The following TRIM5 variants were observed in gnomAD, a reference collection of about 807,000 sequenced individuals.
TRIM5 encodes tripartite motif-containing protein 5.
TRIM5 carries 31 observed loss-of-function variants against 35.6 expected under a neutral mutation model. That is an observed-to-expected ratio of 0.87 (90% CI 0.65 to 1.18). TRIM5 has a LOEUF of 1.18. Ranked by LOEUF, TRIM5 falls within the 50% of genes most tolerant of loss-of-function variation. TRIM5 has a pLI of 0.00. For synonymous variants in TRIM5, 243 were observed against 215.6 expected (o/e 1.13, Z -1.11); for missense variants, 609 against 591.6 (o/e 1.03, Z -0.31).
At chr11:5,595,119 A>G in the TRIM5 span, 2 of 152,128 alleles carry the variant, frequency 1.3e-5, no homozygotes, top group African/African-American at 4.8e-5. Flanking sequence ...TACTTAACCC[A>G]GCTCTCTCCC....
chr11:5,605,384 G>A, the TRIM5 span: 4 of 1,614,144 alleles, frequency 2.5e-6, no homozygotes, highest in Non-Finnish European at 3.4e-6. Flanking sequence ...AGTTTAATCA[G>A]CTGCGAAATA....
At chr11:5,669,080 CTTT>C (rs34310528) in intron 4 of TRIM5, among the ~76,000 whole-genome samples, 9 of 133,122 alleles carry the variant, frequency 6.8e-5, no homozygotes, top group Non-Finnish European at 9.5e-5. Flanking sequence ...GGTCTACATT[CTTT>C]TTTTTTTTTT....
rs1039147605 is a variant in TRIM5 at position 5,683,965 on chromosome 11, T to G, written c.-62+903A>C. On this transcript the variant is annotated intron_variant, in intron 1 of 7. Transcript: ENST00000380034. ...GCTCACTCTTTGGGTCCACACTGCC[T>G]TTATGAGCTGTAACACTCACCGCGA... The G allele has an allele frequency of 3.3e-5, 5 of 153,050 alleles. No homozygotes were observed. The East Asian group carries it at 9.6e-4, about 29-fold the overall frequency. 9.5% of individuals were successfully genotyped at this position (153,050 alleles called of 1,614,324 possible).
chr11:5,666,124 C>T lies in TRIM5; in HGVS notation c.768-43G>A, dbSNP rs764116049. ...AAAAAAAAACTTCCAAACCTTTGAC[C>T]TTGTGTCCGTGGAACACCCCTGACT... On this transcript the variant is annotated intron_variant, in intron 5 of 7. Transcript: ENST00000380034. The T allele has an allele frequency of 4.6e-6, 7 of 1,526,426 alleles. No homozygotes were observed. In the Admixed American group the frequency reaches 7.7e-5, roughly 17 times the overall value. 94.6% of individuals were successfully genotyped at this position (1,526,426 alleles called of 1,614,324 possible).
the TRIM5 span, chr11:5,611,100 A>G: frequency 6.2e-7 from 1 of 1,614,188 alleles, no homozygotes; most frequent in Non-Finnish European, 8.5e-7. Flanking sequence ...GTTACAGCAT[A>G]ACCATGAATA....
At chr11:5,604,448 C>A in the TRIM5 span, 2 of 1,410,338 alleles carry the variant, frequency 1.4e-6, no homozygotes, top group Non-Finnish European at 9.5e-7. Flanking sequence ...TTGAGGTTAG[C>A]AGAATCTCTG....
Position 5,665,134 on chromosome 11 carries a change from T to C in TRIM5, c.1157A>G (p.Asn386Ser), listed in dbSNP as rs759934279. Residue 386 changes from asparagine to serine, a missense_variant, in exon 8 of 8, where the codon AAT becomes AGT. Physicochemically the swap from Asn to Ser is conservative, Grantham distance 46 (BLOSUM62 1). Coordinates refer to ENST00000380034, the MANE Select transcript of TRIM5 (RefSeq NM_033034.3). ...CAGFQPDAMC[N>S]IEKNENYQPK... ...TTGATAATTTTCATTTTTTTCAATATTACACATTGCATCAGGTTGGAAGCC... is the reference window on the plus strand; with the variant it reads ...TTGATAATTTTCATTTTTTTCAATACTACACATTGCATCAGGTTGGAAGCC... 1.2e-6 allele frequency: 2 copies of C among 1,614,106 alleles called. No homozygotes were observed. The highest frequency in any genetic ancestry group is 1.1e-5 in the South Asian group (1 of 91,074).
chr11:5,645,765 G>T, the TRIM5 span: 2 of 210,756 alleles, frequency 9.5e-6, no homozygotes. Flanking sequence ...TTTGCTCATT[G>T]TATGTTGATT....
At chr11:5,632,822 CTTTTTT>C in the TRIM5 span, 352 of 981,878 alleles carry the variant, frequency 3.6e-4, no homozygotes, top group Middle Eastern at 1.4e-3. Flanking sequence ...CCTTTTCATC[CTTTTTT>C]TTTTTTTTTT....
chr11:5,667,126 G>A (rs1259046580), intron 5 of TRIM5, among the ~76,000 whole-genome samples: 1 of 152,072 alleles, frequency 6.6e-6, no homozygotes, highest in Non-Finnish European at 1.5e-5. Context: ...AACCACTACT[G>A]ACCCACACTC....
the TRIM5 span, chr11:5,595,334 A>T: frequency 6.6e-6 from 1 of 152,208 alleles, no homozygotes; most frequent in African/African-American, 2.4e-5. Context: ...AATAAGCTTT[A>T]CATGTATTCA....
chr11:5,598,027 G>C, the TRIM5 span, among the ~76,000 whole-genome samples: 57 of 152,302 alleles, frequency 3.7e-4, no homozygotes, highest in South Asian at 2.1e-4. Flanking sequence ...TTTTTCAGGC[G>C]TCTGGTTCTG....
At chr11:5,651,124 C>T in the TRIM5 span, among the ~76,000 whole-genome samples, 70,944 of 152,006 alleles carry the variant, frequency 0.47, 17,193 homozygotes, top group Non-Finnish European at 0.5. Context: ...TCACTAGGTC[C>T]TGTGCCTCTC....
chr11:5,642,506 G>A, the TRIM5 span: 2 of 1,613,746 alleles, frequency 1.2e-6, no homozygotes, highest in East Asian at 2.2e-5. Flanking sequence ...AATGTTTAGA[G>A]GTGAGGAGAA....
the TRIM5 span, among the ~76,000 whole-genome samples, chr11:5,637,019 A>T: frequency 3.9e-5 from 6 of 152,138 alleles, no homozygotes; most frequent in African/African-American, 1.2e-4. Context: ...TTTATAATAT[A>T]CAAAAAATTA....
chr11:5,636,586 C>G, the TRIM5 span, among the ~76,000 whole-genome samples: 1 of 152,152 alleles, frequency 6.6e-6, no homozygotes, highest in Non-Finnish European at 1.5e-5. Context: ...CTTCCTTAAG[C>G]TCTTCACAAC....
the TRIM5 span, chr11:5,634,910 G>A: frequency 3.0e-5 from 48 of 1,574,208 alleles, no homozygotes; most frequent in Non-Finnish European, 3.9e-5. Context: ...GTTCCCTCCT[G>A]TGTCCTTGCG....
the TRIM5 span, among the ~76,000 whole-genome samples, chr11:5,639,243 A>G: frequency 6.6e-6 from 1 of 152,172 alleles, no homozygotes; most frequent in South Asian, 2.1e-4. Context: ...CATCAAAATT[A>G]TAGTAAAGGG....
chr11:5,642,505 A>G, the TRIM5 span: 1 of 1,613,786 alleles, frequency 6.2e-7, no homozygotes, highest in South Asian at 1.1e-5. Flanking sequence ...AAATGTTTAG[A>G]GGTGAGGAGA....
Sources: allele counts gnomAD v4.1 joint callset (sites outside exome capture counted in the v4.1 genomes callset), GRCh38; gene constraint gnomAD v4.1.1; transcripts MANE v1.5; gene names NCBI Gene and HGNC (gene_info 2026-07-23, HGNC 2026-07-21).